Variants in AFF3 observed in about 807,000 individuals in gnomAD.
AFF3 encodes the protein AF4/FMR2 family member 3.
In AFF3, 32 loss-of-function variants were observed where a neutral mutation model predicts 129.7. That is an observed-to-expected ratio of 0.25 (90% CI 0.19 to 0.33). The LOEUF is 0.33. Ranked by LOEUF, AFF3 falls within the 10% of genes least tolerant of loss-of-function variation. The pLI, the probability that AFF3 is intolerant of heterozygous loss-of-function variation, is 1.00. For synonymous variants in AFF3, 644 were observed against 635.4 expected, an observed-to-expected ratio of 1.01 and a Z score of -0.20; for missense variants, 1,373 against 1,592.0, an observed-to-expected ratio of 0.86 and a Z score of 2.34.
chr2:99,823,506 T>C (rs934923755), intron 8 of AFF3, among the ~76,000 whole-genome samples: 2 of 152,190 alleles, frequency 1.3e-5, no homozygotes, highest in African/African-American at 2.4e-5. Flanking sequence ...TTTGAGACTA[T>C]TGAAAAGATA....
intron 7 of AFF3, among the ~76,000 whole-genome samples, chr2:99,839,618 T>G (rs1290000938): frequency 9.8e-6 from 1 of 101,546 alleles, no homozygotes. Flanking sequence ...TCTTTCTTTC[T>G]TTTTTTTTTT....
chr2:100,117,973 A>G (rs1691795011), intron 2 of AFF3, among the ~76,000 whole-genome samples: 1 of 152,084 alleles, frequency 6.6e-6, no homozygotes. Flanking sequence ...CCCTCACTTC[A>G]TTGCCTCACC....
At chr2:99,597,625 C>G (rs981441296) in intron 14 of AFF3, among the ~76,000 whole-genome samples, 5 of 152,184 alleles carry the variant, frequency 3.3e-5, no homozygotes, top group African/African-American at 1.2e-4. Flanking sequence ...TTAGGCAGAG[C>G]ATGATTATCT....
rs998046392 is a variant in AFF3 at position 99,545,645 on chromosome 2, C to T, written c.*5829G>A. ...AAATGCTGACCCTTGTACTGACTGG[C>T]AATTAGTGCCCTGAATTCAACCCTC... On this transcript the variant is annotated 3_prime_UTR_variant, in exon 25 of 25. Coordinates refer to ENST00000672756, the MANE Select transcript of AFF3 (RefSeq NM_001386135.1). The T allele has an allele frequency of 6.3e-6, 1 of 157,496 alleles. No individual in the cohort carries two copies. The highest frequency in any genetic ancestry group is 1.4e-5 in the Non-Finnish European group (1 of 71,226). The allele number at this position is 157,496 out of a possible 1,614,324, so 9.8% of individuals were successfully genotyped here.
chr2:99,917,942 C>T (rs1468871470), intron 7 of AFF3, among the ~76,000 whole-genome samples: 2 of 151,790 alleles, frequency 1.3e-5, no homozygotes, highest in African/African-American at 2.4e-5. Flanking sequence ...AATAAAAATC[C>T]TAGGAAGAGA....
chr2:99,978,783 C>A (rs768765378), intron 7 of AFF3, among the ~76,000 whole-genome samples: 1 of 152,200 alleles, frequency 6.6e-6, no homozygotes, highest in Non-Finnish European at 1.5e-5. Flanking sequence ...CCTCCCACCA[C>A]GTGAGGATAC....
At chr2:100,053,882 A>G (rs546701262) in intron 4 of AFF3, among the ~76,000 whole-genome samples, 2 of 152,302 alleles carry the variant, frequency 1.3e-5, no homozygotes, top group African/African-American at 4.8e-5. Context: ...AAGAGCTCAC[A>G]ATCCAAGTAC....
chr2:100,060,395 C>T (rs79113241), intron 4 of AFF3, among the ~76,000 whole-genome samples: 1 of 152,142 alleles, frequency 6.6e-6, no homozygotes, highest in East Asian at 1.9e-4. Flanking sequence ...GCTTCAAACC[C>T]AGTCATTTTG....
At chr2:99,908,656 T>G (rs1203279308) in intron 7 of AFF3, among the ~76,000 whole-genome samples, 1 of 151,896 alleles carries the variant, frequency 6.6e-6, no homozygotes, top group Admixed American at 6.6e-5. Context: ...CATCAAAAAG[T>G]GGACAAAGGA....
chr2:99,616,850 C>G (rs1681489049), intron 13 of AFF3, among the ~76,000 whole-genome samples: 1 of 152,164 alleles, frequency 6.6e-6, no homozygotes, highest in African/African-American at 2.4e-5. Flanking sequence ...GCACTAATCT[C>G]CTTCCTGTAG....
intron 7 of AFF3, among the ~76,000 whole-genome samples, chr2:99,972,289 A>T (rs918425362): frequency 7.2e-5 from 11 of 152,152 alleles, no homozygotes. Flanking sequence ...AGACCCAAAG[A>T]TCTATCCAGC....
At chr2:99,952,986 T>C (rs1676304948) in intron 7 of AFF3, among the ~76,000 whole-genome samples, 1 of 152,152 alleles carries the variant, frequency 6.6e-6, no homozygotes, top group South Asian at 2.1e-4. Flanking sequence ...AGTGATAAGA[T>C]AATACATGGA....
At chr2:100,014,818 C>G (rs1405275902) in intron 4 of AFF3, among the ~76,000 whole-genome samples, 1 of 130,332 alleles carries the variant, frequency 7.7e-6, no homozygotes, top group South Asian at 2.4e-4. Context: ...GAGTCTCACT[C>G]TGTTGCCCAG....
chr2:99,956,836 A>G (rs572056380), intron 7 of AFF3, among the ~76,000 whole-genome samples: 1 of 152,354 alleles, frequency 6.6e-6, no homozygotes, highest in East Asian at 1.9e-4. Flanking sequence ...AGTCATTGAT[A>G]CTATATGGAA....
intron 13 of AFF3, among the ~76,000 whole-genome samples, chr2:99,636,806 A>G (rs901051493): frequency 1.1e-4 from 17 of 152,222 alleles, no homozygotes; most frequent in African/African-American, 4.1e-4. Flanking sequence ...CAGGGAGCAC[A>G]TTAACCTTTC....
rs767620164 is a variant in AFF3, at chr2:99,554,301, G to A, written c.3559+10C>T. ...GGAAGCCCCTGGTTCCCCGTGGGGT[G>A]TGCGCTCACCTCGGTTTTCCTTGGC... On this transcript the variant is annotated intron_variant, in intron 24 of 24. Coordinates refer to ENST00000672756, the MANE Select transcript of AFF3 (RefSeq NM_001386135.1). 2 of 1,614,002 alleles carry A rather than the reference G, an allele frequency of 1.2e-6. No individual in the cohort carries two copies. The highest frequency in any genetic ancestry group is 1.7e-5 in the Admixed American group (1 of 60,010).
At chr2:99,667,608 C>T (rs755095231) in intron 12 of AFF3, among the ~76,000 whole-genome samples, 23 of 152,060 alleles carry the variant, frequency 1.5e-4, no homozygotes, top group Non-Finnish European at 2.1e-4. Context: ...AAACCTCTAG[C>T]AAGACTGATA....
At chr2:99,604,494 C>G (rs1477952227) in intron 13 of AFF3, among the ~76,000 whole-genome samples, 2 of 152,012 alleles carry the variant, frequency 1.3e-5, no homozygotes, top group East Asian at 1.9e-4. Context: ...TGGGAGGAGG[C>G]AGAGGGTCAG....
chr2:99,959,422 T>C (rs1034621248), intron 7 of AFF3, among the ~76,000 whole-genome samples: 1 of 146,016 alleles, frequency 6.8e-6, no homozygotes, highest in African/African-American at 2.5e-5. Context: ...TGGAAAAATA[T>C]CAAAAATAGT....
Sources: gnomAD v4.1 joint callset for allele counts (sites outside exome capture counted in the v4.1 genomes callset) on GRCh38, gnomAD v4.1.1 for gene constraint, MANE v1.5 for transcripts, NCBI Gene and HGNC (gene_info 2026-07-23, HGNC 2026-07-21) for gene names.